Variants in PDE4D observed in about 807,000 individuals in gnomAD.
PDE4D encodes the protein 3',5'-cyclic-AMP phosphodiesterase 4D.
PDE4D carries 24 observed loss-of-function variants against 87.4 expected under a neutral mutation model. The observed-to-expected ratio is 0.27, with a 90% CI of 0.20 to 0.39. PDE4D has a LOEUF of 0.39. PDE4D is among the 10% of genes least tolerant of loss of function. PDE4D has a pLI of 1.00. For missense variants in PDE4D, 714 were observed against 1,041.0 expected (o/e 0.69, Z 4.32); for synonymous variants, 384 against 383.2 (o/e 1.00, Z -0.02).
intron 2 of PDE4D, among the ~76,000 whole-genome samples, chr5:59,199,583 T>C (rs1212870585): frequency 6.6e-6 from 1 of 152,174 alleles, no homozygotes; most frequent in African/African-American, 2.4e-5. Flanking sequence ...CTTTCTTTCC[T>C]CAGCCTAAAA....
At chr5:60,217,192 T>C (rs1055062296) in intron 1 of PDE4D, among the ~76,000 whole-genome samples, 4 of 152,022 alleles carry the variant, frequency 2.6e-5, no homozygotes, top group African/African-American at 9.7e-5. Context: ...TTATATTACA[T>C]ACTTAGAGTA....
At chr5:60,276,415 C>T (rs905531498) in intron 1 of PDE4D, among the ~76,000 whole-genome samples, 2 of 152,042 alleles carry the variant, frequency 1.3e-5, no homozygotes, top group African/African-American at 2.4e-5. Context: ...TAAGTTAGGC[C>T]TGATGGTTTA....
chr5:60,175,506 G>A (rs550385491), intron 2 of PDE4D, among the ~76,000 whole-genome samples: 2 of 152,228 alleles, frequency 1.3e-5, no homozygotes, highest in South Asian at 2.1e-4. Context: ...GATATCTTGT[G>A]TAGGACAGTA....
chr5:59,647,612 C>G (rs1488885362), intron 1 of PDE4D, among the ~76,000 whole-genome samples: 1 of 151,992 alleles, frequency 6.6e-6, no homozygotes, highest in Non-Finnish European at 1.5e-5. Flanking sequence ...CAGGAGATAA[C>G]TGCAGATAAG....
intron 1 of PDE4D, among the ~76,000 whole-genome samples, chr5:60,330,433 G>T (rs552130944): frequency 6.6e-6 from 1 of 152,184 alleles, no homozygotes; most frequent in Non-Finnish European, 1.5e-5. Flanking sequence ...AGGAATTAGG[G>T]AAGTATGTTC....
chr5:59,654,121 G>A (rs547177275), intron 1 of PDE4D, among the ~76,000 whole-genome samples: 14 of 152,258 alleles, frequency 9.2e-5, no homozygotes, highest in Admixed American at 7.2e-4. Context: ...TGTGAGAATG[G>A]CTTAAGCCCA....
chr5:59,214,032 T>TCACA (rs199738839), intron 2 of PDE4D, among the ~76,000 whole-genome samples: 3,071 of 132,708 alleles, frequency 0.023, 28 homozygotes, highest in African/African-American at 0.035. Flanking sequence ...CATACATACT[T>TCACA]CACACACACA....
chr5:59,216,997 G>A (rs1355246426), intron 1 of PDE4D, among the ~76,000 whole-genome samples: 1 of 152,148 alleles, frequency 6.6e-6, no homozygotes, highest in Non-Finnish European at 1.5e-5. Flanking sequence ...TTGGCACATT[G>A]AAAACTGTGC....
At position 59,775,713 on chromosome 5, in the gene PDE4D, G is replaced by C. The variant is rs184919468; in HGVS notation, c.455+117455C>G. On this transcript the variant is annotated intron_variant, in intron 1 of 14. Coordinates refer to ENST00000340635, the MANE Select transcript of PDE4D (RefSeq NM_001104631.2). ...GAAGAAACAAACGTTTGTTGTCTTT[G>C]TCCACATAACAGACATGATAAGGAA... Among the ~76,000 whole-genome samples, 24 of 152,170 alleles carry C rather than the reference G, an allele frequency of 1.6e-4. 1 individual carries two copies. Among genetic ancestry groups the C allele is most frequent in the African/African-American group, 5.5e-4 (23 of 41,502 alleles).
intron 5 of PDE4D, among the ~76,000 whole-genome samples, chr5:59,085,432 C>A (rs1289203319): frequency 6.6e-6 from 1 of 151,940 alleles, no homozygotes; most frequent in Non-Finnish European, 1.5e-5. Context: ...GTTTTCTCCC[C>A]CTTGCTTATT....
At chr5:59,666,241 G>A (rs1046835056) in intron 1 of PDE4D, among the ~76,000 whole-genome samples, 1 of 152,158 alleles carries the variant, frequency 6.6e-6, no homozygotes, top group African/African-American at 2.4e-5. Context: ...GATTACAGCC[G>A]TGAACCACTG....
At chr5:59,585,950 C>G (rs554409633) in intron 1 of PDE4D, among the ~76,000 whole-genome samples, 1 of 152,298 alleles carries the variant, frequency 6.6e-6, no homozygotes, top group African/African-American at 2.4e-5. Flanking sequence ...ATTGATATAT[C>G]AGAAATTCAT....
At chr5:60,358,193 T>C (rs1241581778) in intron 1 of PDE4D, among the ~76,000 whole-genome samples, 1 of 152,206 alleles carries the variant, frequency 6.6e-6, no homozygotes, top group East Asian at 1.9e-4. Context: ...ACTGATGTGG[T>C]TGAGAATGTG....
intron 5 of PDE4D, among the ~76,000 whole-genome samples, chr5:59,114,718 G>C (rs763298028): frequency 6.6e-6 from 1 of 152,024 alleles, no homozygotes; most frequent in Admixed American, 6.6e-5. Context: ...AGATGGAAAG[G>C]TTTTTGAGAG....
At chr5:59,397,257 T>C (rs1279003139) in intron 1 of PDE4D, among the ~76,000 whole-genome samples, 1 of 121,658 alleles carries the variant, frequency 8.2e-6, no homozygotes, top group African/African-American at 3.3e-5. Context: ...AACTCTCCAC[T>C]CCAAATCAAC....
At chr5:59,804,328 C>T (rs1767498373) in intron 1 of PDE4D, among the ~76,000 whole-genome samples, 1 of 152,164 alleles carries the variant, frequency 6.6e-6, no homozygotes, top group Non-Finnish European at 1.5e-5. Flanking sequence ...CACTTCCAGC[C>T]AAGTTGCTGC....
At chr5:59,949,841 T>C (rs1758118029) in intron 3 of PDE4D, among the ~76,000 whole-genome samples, 1 of 152,330 alleles carries the variant, frequency 6.6e-6, no homozygotes, top group African/African-American at 2.4e-5. Flanking sequence ...ACTGTAGACC[T>C]AGCAGAGGAC....
chr5:59,758,702 T>G (rs998556173), intron 1 of PDE4D, among the ~76,000 whole-genome samples: 2 of 152,312 alleles, frequency 1.3e-5, no homozygotes, highest in East Asian at 3.9e-4. Flanking sequence ...ACCTTCATTC[T>G]GAAGGCCCTG....
intron 1 of PDE4D, among the ~76,000 whole-genome samples, chr5:59,398,786 A>C (rs1790000616): frequency 2.5e-5 from 3 of 120,114 alleles, no homozygotes; most frequent in African/African-American, 1.1e-4. Context: ...AGAGGAAGTC[A>C]AATTGTCCCT....
Sources: gnomAD v4.1 joint callset for allele counts (sites outside exome capture counted in the v4.1 genomes callset) on GRCh38, gnomAD v4.1.1 for gene constraint, MANE v1.5 for transcripts, NCBI Gene and HGNC (gene_info 2026-07-23, HGNC 2026-07-21) for gene names.